Variants in ANKRD28 observed in about 807,000 individuals in gnomAD.
ANKRD28 encodes ankyrin repeat domain 28, also known as serine/threonine-protein phosphatase 6 regulatory ankyrin repeat subunit A.
In ANKRD28, 44 loss-of-function variants were observed where a neutral mutation model predicts 126.5. The observed-to-expected ratio is 0.35, with a 90% confidence interval of 0.27 to 0.45. The LOEUF (loss-of-function observed/expected upper bound fraction) is 0.45, where lower values mean the gene tolerates loss of function less well. Ranked by LOEUF, ANKRD28 falls within the 20% of genes least tolerant of loss-of-function variation. The probability of loss-of-function intolerance (pLI) is 1.00; values close to 1 mark genes in which losing one functional copy is unlikely to be tolerated. For missense variants in ANKRD28, 1,110 were observed against 1,316.6 expected, an observed-to-expected ratio of 0.84 and a Z score of 2.43; for synonymous variants, 442 against 468.5, an observed-to-expected ratio of 0.94 and a Z score of 0.73.
intron 4 of ANKRD28, among the ~76,000 whole-genome samples, chr3:15,742,305 C>T (rs1392935621): frequency 1.3e-5 from 2 of 151,584 alleles, no homozygotes; most frequent in African/African-American, 2.4e-5. Flanking sequence ...CGCCTCTTCC[C>T]GGCTGCCATC....
chr3:15,677,471 T>C lies in ANKRD28; in HGVS notation c.2790+9A>G. 6.3e-7 allele frequency: 1 copy of C among 1,594,970 alleles called. No individual in the cohort carries two copies. Among genetic ancestry groups the C allele is most frequent in the East Asian group, 2.2e-5 (1 of 44,702 alleles). ...ACAATGGAAACATATTCTTAAGATG[T>C]ATACATACCTTGCTACAAGCCAAAT... On this transcript the variant is annotated intron_variant, in intron 25 of 27. Transcript: ENST00000683139.
At chr3:15,844,517 C>A (rs113326580) in intron 1 of ANKRD28, among the ~76,000 whole-genome samples, 644 of 151,842 alleles carry the variant, frequency 4.2e-3, no homozygotes, top group Non-Finnish European at 6.0e-3. Flanking sequence ...AGAAGGTGAG[C>A]AGGTAAAGGG....
intron 27 of ANKRD28, among the ~76,000 whole-genome samples, chr3:15,672,144 G>GGC (rs2066431090): frequency 6.8e-6 from 1 of 146,586 alleles, no homozygotes; most frequent in African/African-American, 2.7e-5. Context: ...GATAAAAAAA[G>GGC]GATTTTTTTT....
At chr3:15,801,882 T>C (rs1339836756), upstream of ANKRD28, among the ~76,000 whole-genome samples, 3 of 152,356 alleles carry the variant, frequency 2.0e-5, no homozygotes, top group East Asian at 5.8e-4. This position sits in a 1 kb window ranked among gnomAD's most constrained non-coding sequence, Gnocchi z 4.9. Flanking sequence ...AAAATGGCCA[T>C]TAACCAATAT....
In ANKRD28 at chr3:15,669,979, GCA is replaced by G. The variant is rs1418335260; in HGVS notation, c.*289_*290del. ...GTTGCTTGTGTAAGCAGGTTAGAGT[GCA>G]CAGTGTCCCCAATTGTTCCTGGCAC... On this transcript the variant is annotated 3_prime_UTR_variant, in exon 28 of 28. Coordinates refer to ENST00000683139, the MANE Select transcript of ANKRD28 (RefSeq NM_001349278.2). 5.9e-6 allele frequency: 2 copies of G among 340,960 alleles called. No individual in the cohort carries two copies. The highest frequency in any genetic ancestry group is 1.1e-5 in the Non-Finnish European group (2 of 184,218). 21.1% of individuals were successfully genotyped at this position (340,960 alleles called of 1,614,324 possible). A position where few individuals can be genotyped will look rare whatever the true frequency, so the allele number is the denominator to read the frequency against.
chr3:15,773,944 A>C (rs2059139222), intron 2 of ANKRD28, among the ~76,000 whole-genome samples: 1 of 152,218 alleles, frequency 6.6e-6, no homozygotes, highest in South Asian at 2.1e-4. Flanking sequence ...TGAAGTAATC[A>C]AGGGAGGGTG....
intron 4 of ANKRD28, among the ~76,000 whole-genome samples, chr3:15,739,054 C>T (rs1484139105): frequency 6.6e-6 from 1 of 152,194 alleles, no homozygotes; most frequent in African/African-American, 2.4e-5. Flanking sequence ...TAATGGTTAT[C>T]TCCCTTGTTC....
intron 2 of ANKRD28, among the ~76,000 whole-genome samples, chr3:15,775,956 A>T (rs2059245026): frequency 6.6e-6 from 1 of 152,164 alleles, no homozygotes; most frequent in South Asian, 2.1e-4. Context: ...CAAGCCCTCT[A>T]ATCATGCTTT....
chr3:15,811,226 T>C (rs2060704804), intron 1 of ANKRD28, among the ~76,000 whole-genome samples: 1 of 152,206 alleles, frequency 6.6e-6, no homozygotes, highest in Non-Finnish European at 1.5e-5. Context: ...AGAGAATGCT[T>C]TATTAGAAGA....
Position 15,711,126 on chromosome 3 carries a change from A to T in ANKRD28, c.1337+85T>A. On this transcript the variant is annotated intron_variant, in intron 12 of 27. Coordinates refer to ENST00000683139, the MANE Select transcript of ANKRD28 (RefSeq NM_001349278.2). ...TGTTTTCTATTTTCTGGCAGCCCAG[A>T]ATTAATAAAAAAGAACAAAGATAAG... is the stretch of plus-strand genomic sequence containing the variant. The T allele has an allele frequency of 6.7e-6, 8 of 1,196,680 alleles. No individual in the cohort carries two copies. In the South Asian group the frequency reaches 1.0e-4, roughly 15 times the overall value. 74.1% of individuals were successfully genotyped at this position (1,196,680 alleles called of 1,614,324 possible).
intron 6 of ANKRD28, among the ~76,000 whole-genome samples, chr3:15,730,136 A>G (rs951073691): frequency 6.6e-6 from 1 of 152,194 alleles, no homozygotes; most frequent in Non-Finnish European, 1.5e-5. Context: ...GATTACAGGC[A>G]TAAGTGACCA....
At chr3:15,840,432 G>A (rs1198122600) in intron 1 of ANKRD28, among the ~76,000 whole-genome samples, 1 of 152,020 alleles carries the variant, frequency 6.6e-6, no homozygotes, top group African/African-American at 2.4e-5. Flanking sequence ...TGGATTGGAA[G>A]AATCAATATC....
chr3:15,829,134 T>A (rs973450932), intron 1 of ANKRD28, among the ~76,000 whole-genome samples: 3 of 152,218 alleles, frequency 2.0e-5, no homozygotes, highest in Non-Finnish European at 2.9e-5. Flanking sequence ...TGATGTCTAC[T>A]GTATTCAAAA....
intron 1 of ANKRD28, among the ~76,000 whole-genome samples, chr3:15,806,101 T>C (rs1369751623): frequency 2.0e-5 from 3 of 152,356 alleles, no homozygotes; most frequent in South Asian, 2.1e-4. Context: ...CATAGCACCT[T>C]CTATTGTTGA....
intron 27 of ANKRD28, among the ~76,000 whole-genome samples, chr3:15,672,634 T>C (rs1427948738): frequency 6.6e-6 from 1 of 152,232 alleles, no homozygotes; most frequent in Non-Finnish European, 1.5e-5. Flanking sequence ...TAAAGGTGCC[T>C]GCTGCTGTTC....
intron 18 of ANKRD28, 159 bp downstream of exon 18, chr3:15,689,860 G>A: frequency 3.1e-6 from 2 of 639,198 alleles, no homozygotes; most frequent in South Asian, 4.5e-5. Context: ...TCATTTGTGT[G>A]AATAAAGTTA....
chr3:15,670,214 T>C lies in ANKRD28; in HGVS notation c.*56A>G, dbSNP rs931313595. ...CTACGTGAATATCAAAGTGCCTTTT[T>C]CCTGAAAAAGCACAGTTTGAAGCTT... is the stretch of plus-strand genomic sequence containing the variant. On this transcript the variant is annotated 3_prime_UTR_variant, in exon 28 of 28. Coordinates refer to ENST00000683139, the MANE Select transcript of ANKRD28 (RefSeq NM_001349278.2). 120 of 1,561,754 alleles carry C rather than the reference T, an allele frequency of 7.7e-5. No homozygotes were observed. Among genetic ancestry groups the C allele is most frequent in the Non-Finnish European group, 1.0e-4 (115 of 1,149,552 alleles).
At chr3:15,754,798 T>C (rs1040842223) in intron 3 of ANKRD28, among the ~76,000 whole-genome samples, 3 of 152,184 alleles carry the variant, frequency 2.0e-5, no homozygotes, top group Non-Finnish European at 2.9e-5. Context: ...AGGGTAGTAA[T>C]GCAACTTTAT....
In ANKRD28 at chr3:15,833,967, G is replaced by C. The variant is rs749855871; in HGVS notation, c.27+25410C>G. Among the ~76,000 whole-genome samples, 5 of 151,916 alleles carry C rather than the reference G, an allele frequency of 3.3e-5. No homozygotes were observed. Among genetic ancestry groups the C allele is most frequent in the Non-Finnish European group, 5.9e-5 (4 of 67,974 alleles). The stretch of plus-strand genomic sequence containing the variant: ...TTTCTTAAGTTCCTTGTAGATTCTG[G>C]ATATTAGCCTTTTGTCAGATGCAGT... On this transcript the variant is annotated intron_variant, in intron 1 of 27. Transcript: ENST00000399451. The surrounding 1 kb of genome is among the most constrained non-coding windows in gnomAD (Gnocchi z 4.4).
Sources: allele counts gnomAD v4.1 joint callset (sites outside exome capture counted in the v4.1 genomes callset), GRCh38; gene constraint gnomAD v4.1.1; non-coding constraint Gnocchi (gnomAD v3.1); transcripts MANE v1.5; gene names NCBI Gene and HGNC (gene_info 2026-07-23, HGNC 2026-07-21).